DOCK9: variants seen among roughly 807,000 people sequenced by gnomAD.
The protein encoded by DOCK9 is dedicator of cytokinesis protein 9.
Under a neutral mutation model 263.3 loss-of-function variants are expected in DOCK9, and 89 were observed. The observed-to-expected ratio is 0.34, with a 90% CI of 0.28 to 0.40. DOCK9 has a LOEUF of 0.40. DOCK9 is among the 10% of genes least tolerant of loss of function. The pLI is 1.00. For missense variants in DOCK9, 2,140 were observed against 2,603.4 expected, an observed-to-expected ratio of 0.82 and a Z score of 3.87; for synonymous variants, 976 against 973.1, an observed-to-expected ratio of 1.00 and a Z score of -0.06.
intron 1 of DOCK9, chr13:99,086,111 C>T: frequency 7.4e-7 from 1 of 1,345,032 alleles, no homozygotes; most frequent in Non-Finnish European, 9.5e-7. Context: ...GCGGACCCAG[C>T]AGGGTCGGCC....
intron 27 of DOCK9, among the ~76,000 whole-genome samples, chr13:98,870,898 C>A (rs1223917365): frequency 7.9e-4 from 106 of 134,996 alleles, no homozygotes; most frequent in South Asian, 9.4e-4. Flanking sequence ...AATATGTTGC[C>A]AAAAAAAAAA....
At chr13:99,065,785 C>T (rs2041389151) in intron 1 of DOCK9, among the ~76,000 whole-genome samples, 1 of 152,216 alleles carries the variant, frequency 6.6e-6, no homozygotes, top group African/African-American at 2.4e-5. Context: ...TTGCAATCTT[C>T]TCTCTCCTAT....
At chr13:98,856,987 T>G (rs1273091985) in intron 33 of DOCK9, 2 of 152,248 alleles carry the variant, frequency 1.3e-5, no homozygotes, top group Non-Finnish European at 2.9e-5. Flanking sequence ...AAACAGTATT[T>G]GAAGGCAGAA....
intron 9 of DOCK9, among the ~76,000 whole-genome samples, chr13:98,905,532 C>T (rs2048953925): frequency 6.6e-6 from 1 of 151,638 alleles, no homozygotes. Flanking sequence ...TGCAAAGGGA[C>T]AAGTCACACC....
chr13:98,901,367 G>T (rs1346263121), intron 13 of DOCK9, among the ~76,000 whole-genome samples: 1 of 152,152 alleles, frequency 6.6e-6, no homozygotes, highest in Non-Finnish European at 1.5e-5. Context: ...TGCTGGCCAG[G>T]TCATCTGAGC....
At chr13:98,810,417 ACACT>A in intron 45 of DOCK9, 126 bp from the exon 46 acceptor site, 1 of 1,172,242 alleles carries the variant, frequency 8.5e-7, no homozygotes, top group African/African-American at 1.5e-5. Context: ...ACATGCATCA[ACACT>A]CACTTCCACA....
intron 1 of DOCK9, among the ~76,000 whole-genome samples, chr13:99,020,212 T>A (rs974844663): frequency 6.6e-6 from 1 of 152,208 alleles, no homozygotes; most frequent in African/African-American, 2.4e-5. Flanking sequence ...AACAAGAAAT[T>A]GCTAGAAATA....
intron 38 of DOCK9, among the ~76,000 whole-genome samples, chr13:98,844,355 ATTT>A (rs923952118): frequency 6.8e-6 from 1 of 146,022 alleles, no homozygotes; most frequent in Non-Finnish European, 1.5e-5. Flanking sequence ...TCTTCATAAC[ATTT>A]TTTATTTTTT....
At chr13:99,004,644 T>C (rs1882977194) in intron 1 of DOCK9, among the ~76,000 whole-genome samples, 1 of 152,216 alleles carries the variant, frequency 6.6e-6, no homozygotes, top group South Asian at 2.1e-4. Flanking sequence ...TCCTAGGATA[T>C]GTGTTTTTCC....
intron 15 of DOCK9, among the ~76,000 whole-genome samples, chr13:98,892,958 C>T (rs1261982427): frequency 1.3e-5 from 2 of 152,180 alleles, no homozygotes; most frequent in African/African-American, 4.8e-5. Flanking sequence ...GGACTCCCAG[C>T]ACAGAAGTGA....
Position 98,835,792 on chromosome 13 carries a change from T to G in DOCK9, c.4314+1702A>C, listed in dbSNP as rs1040819769. Among the ~76,000 whole-genome samples, 3 of 138,568 alleles carry G rather than the reference T, an allele frequency of 2.2e-5. No homozygotes were observed. The South Asian group carries it at 6.9e-4, about 32-fold the overall frequency. 90.9% of individuals were successfully genotyped at this position (138,568 alleles called of 152,430 possible). ...GTCTTGCTCTGTTGCCAGGCTGGAGTGCAGTGGCGAGATCTTGGCTCACTG... is the reference window on the plus strand; with the variant it reads ...GTCTTGCTCTGTTGCCAGGCTGGAGGGCAGTGGCGAGATCTTGGCTCACTG... On this transcript the variant is annotated intron_variant, in intron 39 of 52. Coordinates refer to ENST00000682017, the MANE Select transcript of DOCK9 (RefSeq NM_001366683.2).
At chr13:99,068,205 T>C (rs575675744) in intron 1 of DOCK9, among the ~76,000 whole-genome samples, 3 of 152,332 alleles carry the variant, frequency 2.0e-5, no homozygotes, top group Admixed American at 1.3e-4. Context: ...CCAATGTGTT[T>C]AGTAACTTCG....
chr13:98,920,925 C>G (rs547317409), intron 7 of DOCK9, 29 bp downstream of exon 7: 30 of 1,565,004 alleles, frequency 1.9e-5, no homozygotes, highest in Non-Finnish European at 2.4e-5. Flanking sequence ...GATAAGAAAA[C>G]ATAATGGTAA....
chr13:98,944,961 G>A (rs150193439), intron 2 of DOCK9, among the ~76,000 whole-genome samples: 1 of 152,300 alleles, frequency 6.6e-6, no homozygotes, highest in African/African-American at 2.4e-5. Context: ...AAATAACACT[G>A]AATTTGCACA....
At chr13:98,887,143 A>ATTTTT (rs58434344) in intron 18 of DOCK9, among the ~76,000 whole-genome samples, 11 of 95,256 alleles carry the variant, frequency 1.2e-4, no homozygotes, top group East Asian at 4.3e-4. Context: ...ATATATATAT[A>ATTTTT]TTTTTTTTTT....
At chr13:98,795,887 T>C (rs1214427469) in intron 52 of DOCK9, among the ~76,000 whole-genome samples, 3 of 151,956 alleles carry the variant, frequency 2.0e-5, no homozygotes, top group African/African-American at 7.3e-5. Context: ...GCCTCCCGAG[T>C]AGCTGAGACT....
intron 2 of DOCK9, among the ~76,000 whole-genome samples, chr13:98,938,002 C>T (rs186190284): frequency 6.6e-6 from 1 of 152,156 alleles, no homozygotes; most frequent in East Asian, 1.9e-4. Flanking sequence ...TCACCTGGGC[C>T]GACCCCTGGG....
rs370922087 is a variant in DOCK9, at chr13:98,800,339, C to T, written c.5865G>A (p.Glu1955=). The T allele has an allele frequency of 1.2e-6, 2 of 1,612,206 alleles. No individual in the cohort carries two copies. The highest frequency in any genetic ancestry group is 2.7e-5 in the African/African-American group (2 of 75,006). ...AELRQLCSSA[E]VDMIKLQLKL... is the part of the protein sequence containing the mutation. ...TGAGCTGCAGTTTGATCATGTCCAC[C>T]TCGGCCGAGGAGCACAGCTGCCGGA... Residue 1955 remains glutamate (E), a synonymous_variant, in exon 50 of 53, where the codon GAG becomes GAA. Transcript: ENST00000682017.
At chr13:99,086,143 C>A (rs1162954600) in intron 1 of DOCK9, 1 of 1,391,906 alleles carries the variant, frequency 7.2e-7, no homozygotes, top group Admixed American at 3.1e-5. Context: ...GCCCTGCCGA[C>A]TAAGAGGCGC....
Sources: allele counts gnomAD v4.1 joint callset (sites outside exome capture counted in the v4.1 genomes callset), GRCh38; gene constraint gnomAD v4.1.1; transcripts MANE v1.5; gene names NCBI Gene and HGNC (gene_info 2026-07-23, HGNC 2026-07-21).